The following SMCO4 variants were observed in gnomAD, a reference collection of about 807,000 sequenced individuals.
The protein encoded by SMCO4 is single-pass membrane protein with coiled-coil domains 4, also known as single-pass membrane and coiled-coil domain-containing protein 4.
Under a neutral mutation model 3.6 loss-of-function variants are expected in SMCO4, and 4 were observed. The observed-to-expected ratio is 1.11, with a 90% CI of 0.54 to 2.53. The LOEUF (loss-of-function observed/expected upper bound fraction) is 2.53, where lower values mean the gene tolerates loss of function less well. SMCO4 is among the 30% of genes most tolerant of loss of function. The pLI is 0.02. For missense variants in SMCO4, 70 were observed against 80.8 expected (o/e 0.87, Z 0.51); for synonymous variants, 36 against 35.3 (o/e 1.02, Z -0.07).
chr11:93,531,266 T>C (rs1949158917), intron 1 of SMCO4, among the ~76,000 whole-genome samples: 1 of 152,204 alleles, frequency 6.6e-6, no homozygotes, highest in Admixed American at 6.5e-5. Flanking sequence ...ACATTGGTCT[T>C]TTCTGCCTTT....
chr11:93,545,560 C>A (rs1353205994), upstream of SMCO4, among the ~76,000 whole-genome samples: 1 of 122,896 alleles, frequency 8.1e-6, no homozygotes, highest in Non-Finnish European at 1.6e-5. Context: ...TGCACTCCAG[C>A]CTGGGCAACA....
chr11:93,541,320 T>C (rs996462948), intron 1 of SMCO4, among the ~76,000 whole-genome samples: 1 of 152,198 alleles, frequency 6.6e-6, no homozygotes, highest in African/African-American at 2.4e-5. Context: ...GTGCTGCCTC[T>C]AACTCACTGC....
At chr11:93,513,526 G>C (rs1302526591) in intron 1 of SMCO4, among the ~76,000 whole-genome samples, 1 of 152,212 alleles carries the variant, frequency 6.6e-6, no homozygotes, top group Non-Finnish European at 1.5e-5. Context: ...GGCAATAGAG[G>C]TGCCAGGACT....
chr11:93,514,413 T>TATATATATATATATAC (rs781423008), intron 1 of SMCO4, among the ~76,000 whole-genome samples: 1 of 33,950 alleles, frequency 2.9e-5, no homozygotes, highest in Admixed American at 2.5e-4. Context: ...TATATATATA[T>TATATATATATATATAC]ATATATATAA....
intron 1 of SMCO4, among the ~76,000 whole-genome samples, chr11:93,520,887 G>A (rs1949051537): frequency 6.6e-6 from 1 of 152,218 alleles, no homozygotes; most frequent in South Asian, 2.1e-4. Context: ...TAAGTGCACA[G>A]TGGTGCTGCT....
upstream of SMCO4, among the ~76,000 whole-genome samples, chr11:93,548,230 T>G (rs940590405): frequency 6.6e-6 from 1 of 152,228 alleles, no homozygotes; most frequent in East Asian, 1.9e-4. Flanking sequence ...TGTATGCAAT[T>G]CTTGTATCAA....
the SMCO4 span, among the ~76,000 whole-genome samples, chr11:93,550,228 G>C: frequency 6.6e-6 from 1 of 152,148 alleles, no homozygotes; most frequent in African/African-American, 2.4e-5. Flanking sequence ...CAAATGTCAA[G>C]TTTCTATTTC....
At chr11:93,502,935 A>G (rs1408037436) in intron 1 of SMCO4, among the ~76,000 whole-genome samples, 1 of 152,244 alleles carries the variant, frequency 6.6e-6, no homozygotes, top group Non-Finnish European at 1.5e-5. Context: ...TGTTCTGTAT[A>G]TGTTAATCTT....
the SMCO4 span, among the ~76,000 whole-genome samples, chr11:93,549,623 A>AC: frequency 1.1e-5 from 1 of 90,652 alleles, no homozygotes; most frequent in Admixed American, 1.3e-4. Flanking sequence ...TAATTTATTT[A>AC]TTTTTTTTTT....
chr11:93,512,162 A>G (rs1202434116), intron 1 of SMCO4, among the ~76,000 whole-genome samples: 2 of 152,234 alleles, frequency 1.3e-5, no homozygotes, highest in Non-Finnish European at 2.9e-5. Context: ...ACTTCAAGTC[A>G]TAGTTTCCAA....
chr11:93,499,427 C>T (rs1374786049), intron 1 of SMCO4, 79 bp from the exon 2 acceptor site: 2 of 152,200 alleles, frequency 1.3e-5, no homozygotes, highest in Non-Finnish European at 2.9e-5. Flanking sequence ...GGAACCCCCT[C>T]AGCCCATGCT....
intron 1 of SMCO4, among the ~76,000 whole-genome samples, chr11:93,525,238 T>A (rs760187377): frequency 6.6e-6 from 1 of 152,224 alleles, no homozygotes; most frequent in African/African-American, 2.4e-5. Context: ...GCACTGCTAC[T>A]TACACACTGG....
At chr11:93,500,035 T>C (rs1184764980) in intron 1 of SMCO4, among the ~76,000 whole-genome samples, 3 of 152,204 alleles carry the variant, frequency 2.0e-5, no homozygotes, top group Non-Finnish European at 4.4e-5. Flanking sequence ...CCCTTGAAAG[T>C]AAAAAGGTGG....
intron 2 of SMCO4, among the ~76,000 whole-genome samples, chr11:93,491,350 A>C (rs1394258994): frequency 6.6e-6 from 1 of 152,230 alleles, no homozygotes; most frequent in African/African-American, 2.4e-5. Context: ...CAGGGTAAGA[A>C]TAAAATTTCC....
intron 1 of SMCO4, among the ~76,000 whole-genome samples, chr11:93,513,121 G>T (rs959006008): frequency 3.9e-5 from 6 of 152,212 alleles, no homozygotes; most frequent in Non-Finnish European, 7.3e-5. Flanking sequence ...TATTGTGGCT[G>T]CAGTGTGGGG....
intron 1 of SMCO4, among the ~76,000 whole-genome samples, chr11:93,517,706 G>A (rs901600591): frequency 6.6e-6 from 1 of 152,156 alleles, no homozygotes; most frequent in African/African-American, 2.4e-5. Flanking sequence ...ACCCTAGAAA[G>A]TAATGCTTTT....
intron 1 of SMCO4, among the ~76,000 whole-genome samples, chr11:93,510,298 G>T (rs555622273): frequency 1.3e-5 from 2 of 152,292 alleles, no homozygotes; most frequent in South Asian, 4.1e-4. Flanking sequence ...CAAATGTCAA[G>T]GTTTCAACAA....
chr11:93,480,853 A>G (rs184406770), intron 2 of SMCO4, among the ~76,000 whole-genome samples: 4 of 152,234 alleles, frequency 2.6e-5, no homozygotes, highest in African/African-American at 9.6e-5. Context: ...CTCTCACTCC[A>G]TTTAGACCCC....
intron 2 of SMCO4, among the ~76,000 whole-genome samples, chr11:93,481,020 T>C (rs1004816264): frequency 6.7e-6 from 1 of 148,626 alleles, no homozygotes; most frequent in Non-Finnish European, 1.5e-5. Flanking sequence ...TATAATTTCC[T>C]TCATGAAATA....
Sources: allele counts gnomAD v4.1 joint callset (sites outside exome capture counted in the v4.1 genomes callset), GRCh38; gene constraint gnomAD v4.1.1; transcripts MANE v1.5; gene names NCBI Gene and HGNC (gene_info 2026-07-23, HGNC 2026-07-21).